Variants in B3GALT1 observed in about 807,000 individuals in gnomAD.
The protein encoded by B3GALT1 is beta-1,3-galactosyltransferase 1, also known as UDP-Gal:betaGlcNAc beta 1,3-galactosyltransferase, polypeptide 1.
B3GALT1 carries 10 observed loss-of-function variants against 23.2 expected under a neutral mutation model. That is an observed-to-expected ratio of 0.43 (90% CI 0.27 to 0.73). B3GALT1 has a LOEUF of 0.73. B3GALT1 is among the 30% of genes least tolerant of loss of function. The probability of loss-of-function intolerance (pLI) is 0.21; values close to 1 mark genes in which losing one functional copy is unlikely to be tolerated. For synonymous variants in B3GALT1, 156 were observed against 141.5 expected, an observed-to-expected ratio of 1.10 and a Z score of -0.73; for missense variants, 299 against 405.4, an observed-to-expected ratio of 0.74 and a Z score of 2.25.
intron 2 of B3GALT1, among the ~76,000 whole-genome samples, chr2:167,541,891 C>T (rs912270104): frequency 2.6e-5 from 4 of 152,020 alleles, no homozygotes; most frequent in Non-Finnish European, 5.9e-5. Context: ...GTTCAGAGGT[C>T]ACAACATGAA....
At chr2:167,706,662 A>G (rs964044770) in intron 3 of B3GALT1, among the ~76,000 whole-genome samples, 10 of 152,234 alleles carry the variant, frequency 6.6e-5, no homozygotes, top group Non-Finnish European at 1.3e-4. Flanking sequence ...TGTAGGTGGT[A>G]AGTGCAAAGC....
At chr2:167,817,120 T>C (rs903350594) in intron 3 of B3GALT1, among the ~76,000 whole-genome samples, 5 of 152,098 alleles carry the variant, frequency 3.3e-5, no homozygotes, top group Admixed American at 2.0e-4. Flanking sequence ...ACTGGAGAGG[T>C]AGGTTAAGCA....
At chr2:167,851,257 A>T (rs1453747886) in intron 4 of B3GALT1, among the ~76,000 whole-genome samples, 1 of 152,204 alleles carries the variant, frequency 6.6e-6, no homozygotes, top group Non-Finnish European at 1.5e-5. Context: ...ATTAAAAAAA[A>T]TACATGTGAT....
chr2:167,416,715 C>A (rs566118319), intron 1 of B3GALT1, among the ~76,000 whole-genome samples: 101 of 152,286 alleles, frequency 6.6e-4, no homozygotes, highest in Non-Finnish European at 1.1e-3. Context: ...ATGTGACTAG[C>A]ATGCAGCAAA....
At chr2:167,412,911 G>A (rs888648645) in intron 1 of B3GALT1, among the ~76,000 whole-genome samples, 6 of 152,002 alleles carry the variant, frequency 3.9e-5, no homozygotes, top group African/African-American at 1.4e-4. Flanking sequence ...AATGAAATAA[G>A]ACACAAACTT....
chr2:167,624,070 A>G (rs1685302879), intron 2 of B3GALT1, among the ~76,000 whole-genome samples: 1 of 152,178 alleles, frequency 6.6e-6, no homozygotes, highest in East Asian at 1.9e-4. Flanking sequence ...AGACAAGTCA[A>G]GATTCAATGG....
intron 1 of B3GALT1, among the ~76,000 whole-genome samples, chr2:167,375,580 T>TG (rs1183763385): frequency 8.0e-4 from 122 of 152,292 alleles, no homozygotes; most frequent in Middle Eastern, 3.4e-3. Flanking sequence ...TATTCCTAGG[T>TG]ATTTTTTTTG....
At chr2:167,452,309 A>G (rs919181534) in intron 1 of B3GALT1, among the ~76,000 whole-genome samples, 35 of 152,068 alleles carry the variant, frequency 2.3e-4, no homozygotes, top group African/African-American at 8.4e-4. Context: ...GCCCTCCCCA[A>G]GGACCTCTGT....
intron 4 of B3GALT1, among the ~76,000 whole-genome samples, chr2:167,857,293 C>G (rs1054358952): frequency 5.9e-5 from 9 of 151,828 alleles, no homozygotes; most frequent in Non-Finnish European, 1.0e-4. Context: ...CTTTGAAAAG[C>G]AAAGGCCTTG....
intron 3 of B3GALT1, among the ~76,000 whole-genome samples, chr2:167,799,418 C>T (rs1688599470): frequency 6.6e-6 from 1 of 152,104 alleles, no homozygotes; most frequent in African/African-American, 2.4e-5. Flanking sequence ...TTAGCTCCCT[C>T]TTATACGTGA....
chr2:167,503,031 C>T (rs550282367), intron 2 of B3GALT1, among the ~76,000 whole-genome samples: 96 of 152,172 alleles, frequency 6.3e-4, no homozygotes, highest in Non-Finnish European at 1.0e-3. Flanking sequence ...AAGAGCAAAA[C>T]TCTGTCTCAA....
At chr2:167,821,993 G>A (rs966527431) in intron 4 of B3GALT1, among the ~76,000 whole-genome samples, 7 of 152,146 alleles carry the variant, frequency 4.6e-5, no homozygotes, top group African/African-American at 1.7e-4. Flanking sequence ...TTAGTGCTAG[G>A]TGCTTTCATA....
chr2:167,388,876 A>G (rs1056021131), intron 1 of B3GALT1, among the ~76,000 whole-genome samples: 1 of 152,202 alleles, frequency 6.6e-6, no homozygotes, highest in African/African-American at 2.4e-5. Context: ...CATCTCTACA[A>G]TAAAACCATA....
intron 3 of B3GALT1, among the ~76,000 whole-genome samples, chr2:167,669,107 T>C (rs949375186): frequency 1.3e-5 from 2 of 152,178 alleles, no homozygotes; most frequent in African/African-American, 4.8e-5. Context: ...TCTAATATAT[T>C]AATTCCTTGT....
intron 1 of B3GALT1, among the ~76,000 whole-genome samples, chr2:167,336,997 G>A (rs568916901): frequency 6.6e-6 from 1 of 152,204 alleles, no homozygotes; most frequent in African/African-American, 2.4e-5. Context: ...CCATTCAGCT[G>A]TCCGAGGATT....
At chr2:167,448,431 A>C (rs991352362) in intron 1 of B3GALT1, among the ~76,000 whole-genome samples, 1 of 151,918 alleles carries the variant, frequency 6.6e-6, no homozygotes, top group African/African-American at 2.4e-5. Flanking sequence ...TTATCTATTA[A>C]TGTCCTTAGC....
intron 2 of B3GALT1, among the ~76,000 whole-genome samples, chr2:167,630,562 A>G (rs1685421768): frequency 6.6e-6 from 1 of 151,682 alleles, no homozygotes; most frequent in Non-Finnish European, 1.5e-5. Flanking sequence ...CTTGGTTTTA[A>G]GCAGTAAGTG....
At chr2:167,559,361 C>G (rs952494096) in intron 2 of B3GALT1, among the ~76,000 whole-genome samples, 2 of 152,136 alleles carry the variant, frequency 1.3e-5, no homozygotes, top group African/African-American at 4.8e-5. Flanking sequence ...GGGGAAAAAA[C>G]AGAGCAGAAA....
At chr2:167,319,514 G>C (rs1696771453) in intron 1 of B3GALT1, among the ~76,000 whole-genome samples, 1 of 152,024 alleles carries the variant, frequency 6.6e-6, no homozygotes, top group South Asian at 2.1e-4. Context: ...TGTAATAAGA[G>C]AGAAAATAGA....
Sources: allele counts gnomAD v4.1 joint callset (sites outside exome capture counted in the v4.1 genomes callset), GRCh38; gene constraint gnomAD v4.1.1; transcripts MANE v1.5; gene names NCBI Gene and HGNC (gene_info 2026-07-23, HGNC 2026-07-21).